Variants in MMP17 observed in about 807,000 individuals in gnomAD.
MMP17 encodes the protein matrix metallopeptidase 17, also known as matrix metalloproteinase-17.
In MMP17, 54 loss-of-function variants were observed where a neutral mutation model predicts 49.1. That is an observed-to-expected ratio of 1.10 (90% CI 0.88 to 1.38). The LOEUF is 1.38. MMP17 is among the 40% of genes most tolerant of loss of function. MMP17 has a pLI of 0.00. For missense variants in MMP17, 837 were observed against 853.7 expected (o/e 0.98, Z 0.24); for synonymous variants, 397 against 383.1 (o/e 1.04, Z -0.42).
In MMP17 at chr12:131,841,637, G is replaced by C; in HGVS notation, c.720G>C (p.Met240Ile). 6.2e-7 allele frequency: 1 copy of C among 1,614,062 alleles called. No individual in the cohort carries two copies. Among genetic ancestry groups the C allele is most frequent in the East Asian group, 2.2e-5 (1 of 44,870 alleles). The change falls in exon 5 of 10, where the codon ATG becomes ATC. Residue 240 changes from methionine to isoleucine, a missense_variant. By Grantham distance (10) the Met-to-Ile change is conservative (BLOSUM62 1). Coordinates refer to ENST00000360564, the MANE Select transcript of MMP17 (RefSeq NM_016155.7). ...WTFRSSDAHGMDLFAVAVHEF... is the reference protein window; with the variant it reads ...WTFRSSDAHGIDLFAVAVHEF... Reference sequence around the variant, plus strand: ...CTGTGTCCCCAGATGCCCACGGGATGGACCTGTTTGCAGTGGCTGTCCACG... The same window carrying C: ...CTGTGTCCCCAGATGCCCACGGGATCGACCTGTTTGCAGTGGCTGTCCACG...
chr12:131,845,161 G>C lies in MMP17; in HGVS notation c.1012G>C (p.Ala338Pro), dbSNP rs768788355. 1 of 1,614,048 alleles carries C rather than the reference G, an allele frequency of 6.2e-7. No homozygotes were observed. The highest frequency in any genetic ancestry group is 8.5e-7 in the Non-Finnish European group (1 of 1,179,946). ...CCACAGATGCAGCACTCACTTTGAC[G>C]CGGTGGCCCAGATCCGGGGTGAAGC... ...VPHRCSTHFD[A>P]VAQIRGEAFF... Residue 338 changes from alanine to proline, a missense_variant, in exon 7 of 10, where the codon GCG (alanine) becomes CCG (proline). Coordinates refer to ENST00000360564, the MANE Select transcript of MMP17 (RefSeq NM_016155.7).
chr12:131,840,925 T>C (rs1175994497), intron 4 of MMP17, 69 bp downstream of exon 4: 37 of 1,467,022 alleles, frequency 2.5e-5, no homozygotes, highest in African/African-American at 5.6e-5. Flanking sequence ...GGAGCAGCCA[T>C]GGCCCCCCCA....
At chr12:131,850,143 T>C in intron 9 of MMP17, 84 bp downstream of exon 9, 1 of 1,463,218 alleles carries the variant, frequency 6.8e-7, no homozygotes, top group Non-Finnish European at 9.1e-7. Context: ...GCCAAGAGGT[T>C]CCCTGAAAGG....
chr12:131,844,717 T>A, intron 6 of MMP17: 1 of 258,630 alleles, frequency 3.9e-6, no homozygotes, highest in Non-Finnish European at 7.7e-6. Flanking sequence ...ACCTTGTCCC[T>A]GACCTTCTGT....
rs1045936176 is a variant in MMP17 at position 131,846,524 on chromosome 12, G to A, written c.1204+1075G>A. On this transcript the variant is annotated intron_variant, in intron 8 of 9. Transcript: ENST00000360564. This position sits in a 1 kb window ranked among gnomAD's most constrained non-coding sequence, Gnocchi z 4.6. The stretch of plus-strand genomic sequence containing the variant: ...TAGTAGCTGGGATTACAAGGTGCCC[G>A]CCACCACTCCTGGCTAATTTTTGTA... Among the ~76,000 whole-genome samples the A allele has an allele frequency of 2.0e-5, 3 of 151,938 alleles. No homozygotes were observed. The highest frequency in any genetic ancestry group is 2.4e-5 in the African/African-American group (1 of 41,362).
Position 131,838,312 on chromosome 12 carries a change from G to T in MMP17, c.277G>T (p.Ala93Ser), listed in dbSNP as rs1381412620. 1 of 1,612,990 alleles carries T rather than the reference G, an allele frequency of 6.2e-7. No individual in the cohort carries two copies. Among genetic ancestry groups the T allele is most frequent in the South Asian group, 1.1e-5 (1 of 91,070 alleles). Reference protein sequence around the residue: ...TAMQQFGGLEATGILDEATLA... With the variant: ...TAMQQFGGLESTGILDEATLA... ...CATGCAGCAGTTTGGTGGCCTGGAGGCCACCGGCATCCTGGGTCAGTTCTC... is the reference window on the plus strand; with the variant it reads ...CATGCAGCAGTTTGGTGGCCTGGAGTCCACCGGCATCCTGGGTCAGTTCTC... The change falls in exon 2 of 10, where the codon GCC becomes TCC. Residue 93 changes from alanine to serine, a missense_variant. Transcript: ENST00000360564.
chr12:131,831,831 G>GA (rs1566080655), intron 1 of MMP17, among the ~76,000 whole-genome samples: 6 of 61,198 alleles, frequency 9.8e-5, no homozygotes, highest in South Asian at 6.4e-4. Context: ...GAGGATCTGG[G>GA]GGGGGACGGG....
At chr12:131,850,683 CAG>C (rs1456136608) in intron 9 of MMP17, among the ~76,000 whole-genome samples, 1 of 152,220 alleles carries the variant, frequency 6.6e-6, no homozygotes, top group Non-Finnish European at 1.5e-5. Context: ...CACAGCTGAG[CAG>C]ATGCTGACCC....
chr12:131,842,989 C>T (rs1887497541), intron 5 of MMP17, among the ~76,000 whole-genome samples: 1 of 152,006 alleles, frequency 6.6e-6, no homozygotes, highest in African/African-American at 2.4e-5. Context: ...GCCATGCAAC[C>T]TTTTGTGTCT....
intron 9 of MMP17, among the ~76,000 whole-genome samples, 178 bp from the exon 10 acceptor site, chr12:131,850,747 C>G (rs986279976): frequency 6.6e-6 from 1 of 151,842 alleles, no homozygotes; most frequent in Non-Finnish European, 1.5e-5. Context: ...AGCCGCCCCC[C>G]ACCAGCCGTC....
rs1028439889 is a variant in MMP17, at chr12:131,841,517, G to A, written c.707-107G>A. ...GAATCCCTCTGGCGCAGCCGGCATC[G>A]AGGCATCCCCATGGTCACCCCAGAG... is the stretch of plus-strand genomic sequence containing the variant. On this transcript the variant is annotated intron_variant, in intron 4 of 9. Coordinates refer to ENST00000360564, the MANE Select transcript of MMP17 (RefSeq NM_016155.7). 1.2e-4 allele frequency: 141 copies of A among 1,180,848 alleles called. 1 individual carries two copies. The highest frequency in any genetic ancestry group is 4.4e-4 in the South Asian group (33 of 75,486). The allele number at this position is 1,180,848 out of a possible 1,614,324, so 73.1% of individuals were successfully genotyped here.
Position 131,841,687 on chromosome 12 carries a change from G to A in MMP17, c.770G>A (p.Ser257Asn). The A allele has an allele frequency of 6.2e-7, 1 of 1,614,104 alleles. No homozygotes were observed. Among genetic ancestry groups the A allele is most frequent in the Admixed American group, 1.7e-5 (1 of 60,018 alleles). ...GAGTTTGGCCACGCCATTGGGTTAAGCCATGTGGCCGCTGCACACTCCATC... is the reference window on the plus strand; with the variant it reads ...GAGTTTGGCCACGCCATTGGGTTAAACCATGTGGCCGCTGCACACTCCATC... ...VHEFGHAIGL[S>N]HVAAAHSIMR... Residue 257 changes from serine to asparagine, a missense_variant, in exon 5 of 10, where the codon AGC (serine) becomes AAC (asparagine). Ser to Asn is a conservative substitution (Grantham distance 46). Transcript: ENST00000360564.
chr12:131,844,479 C>G, intron 6 of MMP17: 1 of 274,894 alleles, frequency 3.6e-6, no homozygotes, highest in Non-Finnish European at 6.9e-6. Context: ...GGTGCCAGGG[C>G]TGGGCCCAAC....
intron 1 of MMP17, among the ~76,000 whole-genome samples, chr12:131,833,638 C>T (rs1886935673): frequency 6.6e-6 from 1 of 152,264 alleles, no homozygotes; most frequent in Non-Finnish European, 1.5e-5. Context: ...ACAGGTTATC[C>T]ACACTCTCTG....
At position 131,843,982 on chromosome 12, in the gene MMP17, C is replaced by T; in HGVS notation, c.884-15C>T. 6.5e-7 allele frequency: 1 copy of T among 1,539,424 alleles called. No homozygotes were observed. Among genetic ancestry groups the T allele is most frequent in the Non-Finnish European group, 8.7e-7 (1 of 1,142,934 alleles). On this transcript the variant is annotated splice_polypyrimidine_tract_variant and intron_variant, in intron 5 of 9. Transcript: ENST00000360564. ...GTCGGGGGTTTGAGGCCGTCCTCCT[C>T]CTTGTCTCCCGCAGGTGTGCGGGAG...
At position 131,846,492 on chromosome 12, in the gene MMP17, G is replaced by A. The variant is rs941389583; in HGVS notation, c.1204+1043G>A. ...CCCAGGTTGCAATTCTCCTGCCTCA[G>A]CCTCCCTAGTAGCTGGGATTACAAG... On this transcript the variant is annotated intron_variant, in intron 8 of 9. Transcript: ENST00000360564. The surrounding 1 kb of genome is among the most constrained non-coding windows in gnomAD (Gnocchi z 4.6). Among the ~76,000 whole-genome samples the A allele has an allele frequency of 6.6e-6, 1 of 152,064 alleles. No individual in the cohort carries two copies. Among genetic ancestry groups the A allele is most frequent in the South Asian group, 2.1e-4 (1 of 4,820 alleles).
chr12:131,837,284 C>T (rs1887130236), intron 1 of MMP17, among the ~76,000 whole-genome samples: 1 of 152,230 alleles, frequency 6.6e-6, no homozygotes, highest in Admixed American at 6.5e-5. Flanking sequence ...CCTAGGCAGC[C>T]TGGCTGGAAC....
intron 5 of MMP17, among the ~76,000 whole-genome samples, 176 bp downstream of exon 5, chr12:131,841,976 C>G (rs1275634823): frequency 6.6e-6 from 1 of 152,210 alleles, no homozygotes; most frequent in Non-Finnish European, 1.5e-5. Context: ...CTGACGTCCC[C>G]AGAGCCCCTA....
chr12:131,844,179 G>A, intron 6 of MMP17, 98 bp downstream of exon 6: 1 of 1,014,878 alleles, frequency 9.9e-7, no homozygotes, highest in Non-Finnish European at 1.5e-6. Context: ...AGAGTCCTGG[G>A]AAACGCACAG....
Sources: gnomAD v4.1 joint callset for allele counts (sites outside exome capture counted in the v4.1 genomes callset) on GRCh38, gnomAD v4.1.1 for gene constraint, Gnocchi (gnomAD v3.1) non-coding constraint, MANE v1.5 for transcripts, NCBI Gene and HGNC (gene_info 2026-07-23, HGNC 2026-07-21) for gene names.